Variants in NCAM1 observed in about 807,000 individuals in gnomAD.
NCAM1 encodes neural cell adhesion molecule 1.
A neutral mutation model predicts 109.8 loss-of-function variants in NCAM1; 14 were observed. The ratio of observed to expected loss-of-function variants is 0.13; its 90% CI spans 0.08 to 0.20. NCAM1 has a LOEUF of 0.20. Ranked by LOEUF, NCAM1 falls within the 10% of genes least tolerant of loss-of-function variation. The pLI, the probability that NCAM1 is intolerant of heterozygous loss-of-function variation, is 1.00. For synonymous variants in NCAM1, 418 were observed against 442.9 expected (o/e 0.94, Z 0.70); for missense variants, 774 against 1,109.9 (o/e 0.70, Z 4.30).
chr11:113,107,979 A>G (rs1555092862), intron 1 of NCAM1, among the ~76,000 whole-genome samples: 1 of 152,142 alleles, frequency 6.6e-6, no homozygotes. Context: ...ATTTCCTGGA[A>G]ATTTTATGGT....
chr11:113,275,246 T>C (rs1565544657), intron 19 of NCAM1, 21 bp from the exon 20 acceptor site: 1 of 1,613,204 alleles, frequency 6.2e-7, no homozygotes. Flanking sequence ...TCAGTGGTTC[T>C]GTTTTCCTGA....
intron 9 of NCAM1, 134 bp downstream of exon 9, chr11:113,221,459 A>G: frequency 2.3e-6 from 2 of 881,946 alleles, no homozygotes; most frequent in Admixed American, 2.5e-5. Context: ...AGTGGTAGAC[A>G]TTACTTAGCA....
intron 1 of NCAM1, among the ~76,000 whole-genome samples, chr11:113,141,394 G>A (rs1199666334): frequency 6.6e-6 from 1 of 152,190 alleles, no homozygotes; most frequent in Non-Finnish European, 1.5e-5. Flanking sequence ...CACTTTGGGA[G>A]GCCGAGGTGG....
chr11:113,160,597 A>C (rs1942569573), intron 1 of NCAM1, among the ~76,000 whole-genome samples: 2 of 152,216 alleles, frequency 1.3e-5, no homozygotes, highest in African/African-American at 4.8e-5. Context: ...TGTCAACAGC[A>C]GCCAATACAA....
chr11:113,187,519 T>C (rs1943543841), intron 1 of NCAM1, among the ~76,000 whole-genome samples: 1 of 151,910 alleles, frequency 6.6e-6, no homozygotes, highest in Non-Finnish European at 1.5e-5. Flanking sequence ...GTTTTGAGTC[T>C]GATATTGTGT....
intron 1 of NCAM1, among the ~76,000 whole-genome samples, chr11:113,080,491 C>CCTGT (rs1938758292): frequency 6.7e-6 from 1 of 149,784 alleles, no homozygotes; most frequent in Admixed American, 6.6e-5. Flanking sequence ...TAAAGGCCTG[C>CCTGT]CTGTCAGTCA....
intron 1 of NCAM1, among the ~76,000 whole-genome samples, chr11:113,074,927 C>T (rs1346814704): frequency 6.6e-6 from 1 of 152,166 alleles, no homozygotes; most frequent in African/African-American, 2.4e-5. Context: ...CAACTGTGCC[C>T]AGCTGATTTT....
At chr11:113,239,066 G>A (rs1470303068) in intron 14 of NCAM1, among the ~76,000 whole-genome samples, 1 of 152,176 alleles carries the variant, frequency 6.6e-6, no homozygotes, top group African/African-American at 2.4e-5. Flanking sequence ...GGATGAGCAG[G>A]GGGAGCTAGT....
chr11:113,141,883 G>A (rs541083588), intron 1 of NCAM1, among the ~76,000 whole-genome samples: 15 of 152,230 alleles, frequency 9.9e-5, no homozygotes, highest in African/African-American at 3.6e-4. Context: ...GTATATAAAA[G>A]TAGGAGTTGA....
rs12293903 is a variant in NCAM1 at position 113,161,251 on chromosome 11, G to C, written c.53-41128G>C. Reference sequence around the variant, plus strand: ...ATAAACTACAGGGAGTTTCTTTGTAGATTAAAAAAATCTTATTTCAGAACG... The same window carrying C: ...ATAAACTACAGGGAGTTTCTTTGTACATTAAAAAAATCTTATTTCAGAACG... On this transcript the variant is annotated intron_variant, in intron 1 of 19. Transcript: ENST00000316851. Among the ~76,000 whole-genome samples, 1,490 of 152,202 alleles carry C rather than the reference G, an allele frequency of 9.8e-3. 21 individuals carry two copies. The highest frequency in any genetic ancestry group is 0.034 in the African/African-American group (1,402 of 41,518).
chr11:113,149,097 C>T (rs1942127162), intron 1 of NCAM1, among the ~76,000 whole-genome samples: 1 of 152,158 alleles, frequency 6.6e-6, no homozygotes, highest in South Asian at 2.1e-4. Flanking sequence ...CCTATACTTC[C>T]TTCAGACCAA....
At chr11:113,205,240 C>A (rs1555112644) in intron 3 of NCAM1, among the ~76,000 whole-genome samples, 1 of 152,190 alleles carries the variant, frequency 6.6e-6, no homozygotes, top group Non-Finnish European at 1.5e-5. Flanking sequence ...TCCTGCATGA[C>A]AAGGAACCCT....
chr11:113,022,847 A>T (rs185879349), intron 1 of NCAM1, among the ~76,000 whole-genome samples: 2 of 152,112 alleles, frequency 1.3e-5, no homozygotes, highest in African/African-American at 4.8e-5. Context: ...CATGGCTGCT[A>T]CACTCCAGTC....
chr11:112,995,274 C>G (rs1017036202), intron 1 of NCAM1, among the ~76,000 whole-genome samples: 13 of 152,140 alleles, frequency 8.5e-5, no homozygotes, highest in African/African-American at 2.7e-4. Flanking sequence ...ATCCACCTTA[C>G]TTTGTATTAA....
chr11:113,020,819 G>A (rs1952359369), intron 1 of NCAM1, among the ~76,000 whole-genome samples: 1 of 152,068 alleles, frequency 6.6e-6, no homozygotes, highest in African/African-American at 2.4e-5. Flanking sequence ...GCAGTGGCGT[G>A]ATTTCGGCTC....
chr11:113,090,431 T>C (rs1939288687), intron 1 of NCAM1, among the ~76,000 whole-genome samples: 1 of 152,244 alleles, frequency 6.6e-6, no homozygotes. Context: ...TATTTCACTT[T>C]CTGCGACATA....
At chr11:113,107,675 G>GAC (rs1565440604) in intron 1 of NCAM1, among the ~76,000 whole-genome samples, 1 of 152,086 alleles carries the variant, frequency 6.6e-6, no homozygotes, top group African/African-American at 2.4e-5. Flanking sequence ...TTACCACGAG[G>GAC]ACAGTATGGA....
At chr11:113,177,685 C>T (rs1431797308) in intron 1 of NCAM1, among the ~76,000 whole-genome samples, 1 of 152,134 alleles carries the variant, frequency 6.6e-6, no homozygotes, top group Non-Finnish European at 1.5e-5. Flanking sequence ...CCCCCTGGCT[C>T]AGCCTCCCAA....
At chr11:113,139,946 A>G (rs1941752884) in intron 1 of NCAM1, among the ~76,000 whole-genome samples, 1 of 152,244 alleles carries the variant, frequency 6.6e-6, no homozygotes, top group Non-Finnish European at 1.5e-5. Context: ...CAGATAAAAA[A>G]TTGTAACATC....
Sources: allele counts gnomAD v4.1 joint callset (sites outside exome capture counted in the v4.1 genomes callset), GRCh38; gene constraint gnomAD v4.1.1; transcripts MANE v1.5; gene names NCBI Gene and HGNC (gene_info 2026-07-23, HGNC 2026-07-21).